The following MAP3K5 variants were observed in gnomAD, a reference collection of about 807,000 sequenced individuals.
MAP3K5 encodes mitogen-activated protein kinase kinase kinase 5.
MAP3K5 carries 56 observed loss-of-function variants against 158.7 expected under a neutral mutation model. The observed-to-expected ratio is 0.35, with a 90% CI of 0.28 to 0.44. The LOEUF (loss-of-function observed/expected upper bound fraction) is 0.44. Among genes scored for constraint, MAP3K5 ranks in the 20% least tolerant of loss-of-function variants. The probability of loss-of-function intolerance (pLI) is 1.00; values close to 1 mark genes in which losing one functional copy is unlikely to be tolerated. For synonymous variants in MAP3K5, 579 were observed against 601.7 expected (o/e 0.96, Z 0.55); for missense variants, 1,294 against 1,674.8 (o/e 0.77, Z 3.97).
In MAP3K5 at chr6:136,568,730, G is replaced by A. The variant is rs540905739; in HGVS notation, c.3518-856C>T. Among the ~76,000 whole-genome samples the A allele has an allele frequency of 6.6e-5, 10 of 151,618 alleles. No individual in the cohort carries two copies. In the South Asian group the frequency reaches 8.4e-4, roughly 13 times the overall value. On this transcript the variant is annotated intron_variant, in intron 25 of 29. Transcript: ENST00000359015. ...TCTACTAAAAATACAAAAATTAGCC[G>A]GACATGGTGGCACGCTACTTGGGAG... is the stretch of plus-strand genomic sequence containing the variant.
At position 136,762,217 on chromosome 6, in the gene MAP3K5, A is replaced by AAAGAG. The variant is rs68129995; in HGVS notation, c.448+29488_448+29492dup. Among the ~76,000 whole-genome samples the AAAGAG allele has an allele frequency of 3.5e-3, 539 of 152,164 alleles. 3 individuals carry two copies. Among genetic ancestry groups the AAAGAG allele is most frequent in the African/African-American group, 0.012 (502 of 41,436 alleles). Reference sequence around the variant, plus strand: ...TGCCCAGCCAGGGAAAAATGGGAAGAAAGAGAAGAGAAGAGAAGAGACAGA... The same window carrying AAAGAG: ...TGCCCAGCCAGGGAAAAATGGGAAGAAAGAGAAGAGAAGAGAAGAGAAGAGACAGA... On this transcript the variant is annotated intron_variant, in intron 1 of 29. Transcript: ENST00000359015.
In MAP3K5 at chr6:136,699,994, T is replaced by C. The variant is rs192685182; in HGVS notation, c.613-1312A>G. ...CCTTAATCCCAGCTACTCAGGAGGCTGAGGTGCGAGAATCACTTGTAGTGA... is the reference window on the plus strand; with the variant it reads ...CCTTAATCCCAGCTACTCAGGAGGCCGAGGTGCGAGAATCACTTGTAGTGA... On this transcript the variant is annotated intron_variant, in intron 3 of 29. Transcript: ENST00000359015. 3.8e-3 allele frequency among the ~76,000 whole-genome samples: 581 copies of C among 152,118 alleles called. 3 individuals are homozygous for C. The highest frequency in any genetic ancestry group is 0.013 in the African/African-American group (533 of 41,516).
chr6:136,560,785 AT>A (rs907743401), intron 28 of MAP3K5, among the ~76,000 whole-genome samples: 1 of 149,344 alleles, frequency 6.7e-6, no homozygotes, highest in Non-Finnish European at 1.5e-5. Context: ...CTATCTCTAA[AT>A]TTTTTTTTTA....
chr6:136,592,212 T>G lies in MAP3K5; in HGVS notation c.3186A>C (p.Gln1062His), dbSNP rs1479313753. 2.5e-6 allele frequency: 4 copies of G among 1,604,898 alleles called. No homozygotes were observed. In the South Asian group the frequency reaches 4.5e-5, roughly 18 times the overall value. The change falls in exon 23 of 30, where the codon CAA becomes CAC. Residue 1062 changes from glutamine to histidine, a missense_variant. Gln to His is a conservative substitution (Grantham distance 24, BLOSUM62 0). Coordinates refer to ENST00000359015, the MANE Select transcript of MAP3K5 (RefSeq NM_005923.4). ...CCATTAGGTTTCTCACAATTTTGTC[T>G]TGGTCTTCCGTCAGGATCCTGTGAA... Reference protein sequence around the residue: ...ATLHRILTEDQDKIVRNLMES... With the variant: ...ATLHRILTEDHDKIVRNLMES...
chr6:136,640,390 G>C (rs1777868468), intron 12 of MAP3K5, among the ~76,000 whole-genome samples: 2 of 152,194 alleles, frequency 1.3e-5, no homozygotes, highest in African/African-American at 2.4e-5. Flanking sequence ...ATGTAGTCCA[G>C]GGGGCACAGT....
intron 7 of MAP3K5, among the ~76,000 whole-genome samples, chr6:136,683,437 G>T (rs1007128858): frequency 7.9e-5 from 12 of 152,194 alleles, no homozygotes; most frequent in Non-Finnish European, 1.5e-5. Context: ...GGCAGCCCAA[G>T]GTCAAAGCCA....
chr6:136,560,525 A>G (rs1208620750), intron 28 of MAP3K5, among the ~76,000 whole-genome samples: 2 of 152,220 alleles, frequency 1.3e-5, no homozygotes, highest in East Asian at 1.9e-4. Flanking sequence ...GAGGAATTAG[A>G]TTATTACAGG....
intron 8 of MAP3K5, among the ~76,000 whole-genome samples, chr6:136,667,167 G>A (rs1252742131): frequency 6.6e-6 from 1 of 151,736 alleles, no homozygotes; most frequent in East Asian, 1.9e-4. Flanking sequence ...CTCACCTTGA[G>A]TTAAGAACAG....
At chr6:136,768,296 C>A (rs561961115) in intron 1 of MAP3K5, among the ~76,000 whole-genome samples, 6 of 152,196 alleles carry the variant, frequency 3.9e-5, no homozygotes, top group Middle Eastern at 3.4e-3. Flanking sequence ...AAAATATTTG[C>A]AAATCATATA....
intron 2 of MAP3K5, among the ~76,000 whole-genome samples, chr6:136,719,351 G>A (rs1781658793): frequency 6.6e-6 from 1 of 152,126 alleles, no homozygotes; most frequent in South Asian, 2.1e-4. Flanking sequence ...GGGTAAATCT[G>A]GAGGAAAATT....
At chr6:136,731,145 G>C (rs72981672) in intron 1 of MAP3K5, among the ~76,000 whole-genome samples, 3,289 of 152,290 alleles carry the variant, frequency 0.022, 50 homozygotes, top group Middle Eastern at 0.031. Flanking sequence ...GCTAAAGGGG[G>C]CTTGAAGGGG....
intron 14 of MAP3K5, among the ~76,000 whole-genome samples, chr6:136,627,796 C>T (rs953617985): frequency 2.0e-5 from 3 of 152,170 alleles, no homozygotes; most frequent in Admixed American, 6.5e-5. Flanking sequence ...GTATAAATTA[C>T]CCAGCCTAAG....
At chr6:136,574,404 T>G (rs1421275462) in intron 25 of MAP3K5, among the ~76,000 whole-genome samples, 3 of 152,188 alleles carry the variant, frequency 2.0e-5, no homozygotes, top group Non-Finnish European at 4.4e-5. Context: ...AGTGGTAATA[T>G]CAAGTGCTTG....
intron 8 of MAP3K5, among the ~76,000 whole-genome samples, chr6:136,661,565 T>G (rs1015826236): frequency 4.6e-5 from 7 of 152,050 alleles, no homozygotes; most frequent in African/African-American, 1.7e-4. Flanking sequence ...CTAGCTAAAT[T>G]TTGTTTTTTT....
chr6:136,648,981 A>AT (rs1230070146), intron 11 of MAP3K5, among the ~76,000 whole-genome samples: 1 of 152,094 alleles, frequency 6.6e-6, no homozygotes, highest in Non-Finnish European at 1.5e-5. Flanking sequence ...TATTTTATTT[A>AT]TTTTTTGAGA....
Position 136,667,860 on chromosome 6 carries a change from A to G in MAP3K5, c.1366+1423T>C, listed in dbSNP as rs561785051. Among the ~76,000 whole-genome samples, 5 of 151,924 alleles carry G rather than the reference A, an allele frequency of 3.3e-5. No individual in the cohort carries two copies. The East Asian group carries it at 9.8e-4, about 30-fold the overall frequency. ...GACCCTGTCTCAGAAGAAAAAAAAA[A>G]TTATTTCAAACAGACCTTTATGCCT... On this transcript the variant is annotated intron_variant, in intron 8 of 29. Transcript: ENST00000359015.
At position 136,675,733 on chromosome 6, in the gene MAP3K5, TC is replaced by T. The variant is rs537957311; in HGVS notation, c.1254-6339del. On this transcript the variant is annotated intron_variant, in intron 7 of 29. Transcript: ENST00000359015. ...CATCTAGTAAACGAACAGCATATCA[TC>T]TTCAAAGTAGAAGGGTATAATAAAG... 4.6e-5 allele frequency among the ~76,000 whole-genome samples: 7 copies of T among 152,062 alleles called. No individual in the cohort carries two copies. The South Asian group carries it at 1.5e-3, about 32-fold the overall frequency.
intron 1 of MAP3K5, among the ~76,000 whole-genome samples, chr6:136,754,829 A>G (rs1783399885): frequency 6.6e-6 from 1 of 152,148 alleles, no homozygotes; most frequent in Non-Finnish European, 1.5e-5. Context: ...GTCAGTGCAG[A>G]TGGAACAGAG....
chr6:136,558,419 A>G (rs1451940925), intron 29 of MAP3K5, among the ~76,000 whole-genome samples: 2 of 152,112 alleles, frequency 1.3e-5, no homozygotes, highest in Non-Finnish European at 2.9e-5. Flanking sequence ...CTTAATTAAC[A>G]AGAAATTATA....
Sources: allele counts gnomAD v4.1 joint callset (sites outside exome capture counted in the v4.1 genomes callset), GRCh38; gene constraint gnomAD v4.1.1; transcripts MANE v1.5; gene names NCBI Gene and HGNC (gene_info 2026-07-23, HGNC 2026-07-21).